EXOC4: variants seen among roughly 807,000 people sequenced by gnomAD.
EXOC4 encodes exocyst complex component 4, also known as SEC8-like 1.
In EXOC4, 71 loss-of-function variants were observed where a neutral mutation model predicts 107.2. That is an observed-to-expected ratio of 0.66 (90% confidence interval 0.55 to 0.81). The LOEUF is 0.81. Ranked by LOEUF, EXOC4 falls within the 30% of genes least tolerant of loss-of-function variation. EXOC4 has a pLI of 0.00. For missense variants in EXOC4, 1,108 were observed against 1,189.6 expected, an observed-to-expected ratio of 0.93 and a Z score of 1.01; for synonymous variants, 456 against 441.2, an observed-to-expected ratio of 1.03 and a Z score of -0.42.
chr7:133,597,575 A>C lies in EXOC4; in HGVS notation c.1418-32470A>C, dbSNP rs1270866440. ...GTTTCAAAAAAAAAAAAAAAAAAAAACCCAAAAAAAAAACCCCGAATCCTT... is the reference window on the plus strand; with the variant it reads ...GTTTCAAAAAAAAAAAAAAAAAAAACCCCAAAAAAAAAACCCCGAATCCTT... On this transcript the variant is annotated intron_variant, in intron 9 of 17. Transcript: ENST00000253861. 3.3e-3 allele frequency among the ~76,000 whole-genome samples: 346 copies of C among 103,580 alleles called. 6 individuals are homozygous for C. Among genetic ancestry groups the C allele is most frequent in the African/African-American group, 0.012 (310 of 26,182 alleles). 68.0% of individuals were successfully genotyped at this position (103,580 alleles called of 152,430 possible).
rs188386488 is a variant in EXOC4 at position 133,331,663 on chromosome 7, C to T, written c.763+14273C>T. 3.2e-4 allele frequency among the ~76,000 whole-genome samples: 48 copies of T among 152,102 alleles called. 3 individuals carry two copies. Among genetic ancestry groups the T allele is most frequent in the African/African-American group, 1.1e-3 (47 of 41,522 alleles). The stretch of plus-strand genomic sequence containing the variant: ...TGTATTTTTAGTAGAGACGGGGTTT[C>T]ACCGTGTTAGCCAGGATGGTCTCTA... On this transcript the variant is annotated intron_variant, in intron 5 of 17. Coordinates refer to ENST00000253861, the MANE Select transcript of EXOC4 (RefSeq NM_021807.4).
chr7:134,049,916 A>G (rs906222715), intron 17 of EXOC4, among the ~76,000 whole-genome samples: 2 of 152,232 alleles, frequency 1.3e-5, no homozygotes, highest in Admixed American at 6.5e-5. Flanking sequence ...CCTACAGTCT[A>G]GGTGAGGTTA....
chr7:133,571,604 G>C (rs1396857028), intron 9 of EXOC4, among the ~76,000 whole-genome samples: 2 of 151,314 alleles, frequency 1.3e-5, no homozygotes, highest in Non-Finnish European at 2.9e-5. Context: ...GAACCCAGGA[G>C]TCAGCGGTTG....
chr7:134,061,872 G>A (rs1485340364), intron 17 of EXOC4, among the ~76,000 whole-genome samples: 1 of 152,170 alleles, frequency 6.6e-6, no homozygotes, highest in African/African-American at 2.4e-5. Context: ...CTTAGAAACA[G>A]TGTGTTTAAA....
intron 9 of EXOC4, among the ~76,000 whole-genome samples, chr7:133,554,589 G>C (rs1177496954): frequency 6.6e-6 from 1 of 152,020 alleles, no homozygotes; most frequent in African/African-American, 2.4e-5. Flanking sequence ...TTGAGTTTTA[G>C]GTTTTGTGGC....
At chr7:133,664,575 A>G (rs1300241572) in intron 10 of EXOC4, among the ~76,000 whole-genome samples, 2 of 152,158 alleles carry the variant, frequency 1.3e-5, no homozygotes, top group Non-Finnish European at 2.9e-5. Flanking sequence ...AGAGAAACAC[A>G]TATTACCATC....
chr7:133,605,370 CT>C (rs1801916239), intron 9 of EXOC4, among the ~76,000 whole-genome samples: 2 of 152,160 alleles, frequency 1.3e-5, no homozygotes, highest in African/African-American at 2.4e-5. Flanking sequence ...TTTATCACCC[CT>C]ATAGGAAACC....
rs761535651 is a variant in EXOC4, at chr7:133,844,378, C to CTTTTTTT, written c.1734+26858_1734+26864dup. 4.8e-4 allele frequency among the ~76,000 whole-genome samples: 40 copies of CTTTTTTT among 83,396 alleles called. 1 individual carries two copies. Among genetic ancestry groups the CTTTTTTT allele is most frequent in the Non-Finnish European group, 6.4e-4 (29 of 45,558 alleles). 54.7% of individuals were successfully genotyped at this position (83,396 alleles called of 152,430 possible). A position where few individuals can be genotyped will look rare whatever the true frequency, so the allele number is the denominator to read the frequency against. On this transcript the variant is annotated intron_variant, in intron 11 of 17. Transcript: ENST00000253861. ...TAATTTCTTGGATTCCCACATATTC[C>CTTTTTTT]TTTTTTTTTTTTTTTTTTTTTTTTT...
At chr7:133,820,388 C>T (rs1260141768) in intron 11 of EXOC4, among the ~76,000 whole-genome samples, 2 of 151,902 alleles carry the variant, frequency 1.3e-5, no homozygotes, top group Non-Finnish European at 2.9e-5. Context: ...ATTCCCCATA[C>T]TCAAGCTTCA....
At chr7:133,661,616 G>A (rs1793681422) in intron 10 of EXOC4, among the ~76,000 whole-genome samples, 1 of 143,410 alleles carries the variant, frequency 7.0e-6, no homozygotes, top group African/African-American at 2.6e-5. Context: ...TCTGTATGGA[G>A]GAGCTTCGTC....
At chr7:134,005,241 G>C (rs1429950226) in intron 16 of EXOC4, 151 bp downstream of exon 16, 1 of 724,652 alleles carries the variant, frequency 1.4e-6, no homozygotes, top group African/African-American at 1.8e-5. Context: ...TAGCCTCTTT[G>C]TGTATGACTA....
downstream of EXOC4, among the ~76,000 whole-genome samples, chr7:134,068,079 G>A (rs564169849): frequency 3.3e-5 from 5 of 152,284 alleles, no homozygotes; most frequent in South Asian, 2.1e-4. Flanking sequence ...CTCAAGTTTA[G>A]TGGTAAGACC....
intron 3 of EXOC4, among the ~76,000 whole-genome samples, chr7:133,300,396 T>A (rs1196063267): frequency 6.6e-6 from 1 of 152,078 alleles, no homozygotes; most frequent in South Asian, 2.1e-4. Context: ...AAATCAGAGG[T>A]TGTTTTTCCC....
In EXOC4 at chr7:133,639,062, C is replaced by T. The variant is rs749331023; in HGVS notation, c.1514+8921C>T. On this transcript the variant is annotated intron_variant, in intron 10 of 17. Transcript: ENST00000253861. ...GCATTTGACGAAATATGTTTATGTC[C>T]AGCCACAGGGCCATTTACATCTGAT... Among the ~76,000 whole-genome samples, 67 of 152,128 alleles carry T rather than the reference C, an allele frequency of 4.4e-4. 1 individual carries two copies. The highest frequency in any genetic ancestry group is 7.4e-5 in the Non-Finnish European group (5 of 68,022).
At chr7:133,575,576 G>A (rs1480102903) in intron 9 of EXOC4, among the ~76,000 whole-genome samples, 1 of 152,172 alleles carries the variant, frequency 6.6e-6, no homozygotes, top group African/African-American at 2.4e-5. Flanking sequence ...CTAGAGAGGA[G>A]CACATCTGGT....
the EXOC4 span, among the ~76,000 whole-genome samples, chr7:134,074,459 G>A: frequency 6.6e-6 from 1 of 151,956 alleles, no homozygotes; most frequent in Non-Finnish European, 1.5e-5. Flanking sequence ...CTAATTTTGG[G>A]TGGGGGGTTG....
the EXOC4 span, among the ~76,000 whole-genome samples, chr7:134,085,676 ATTAT>A: frequency 6.6e-6 from 1 of 152,172 alleles, no homozygotes; most frequent in Admixed American, 6.5e-5. Context: ...TGTTGTTGTC[ATTAT>A]TTGATCTGAT....
At chr7:133,513,934 T>C (rs1445568577) in intron 9 of EXOC4, among the ~76,000 whole-genome samples, 1 of 152,186 alleles carries the variant, frequency 6.6e-6, no homozygotes, top group Non-Finnish European at 1.5e-5. Flanking sequence ...AATTGGCTGT[T>C]CCATTGGGTA....
intron 1 of EXOC4, among the ~76,000 whole-genome samples, chr7:133,265,468 T>C (rs1463499717): frequency 1.3e-5 from 2 of 151,898 alleles, no homozygotes; most frequent in South Asian, 2.1e-4. Context: ...GATTGGGTGG[T>C]TCAGGTGCTT....
Sources: allele counts gnomAD v4.1 joint callset (sites outside exome capture counted in the v4.1 genomes callset), GRCh38; gene constraint gnomAD v4.1.1; transcripts MANE v1.5; gene names NCBI Gene and HGNC (gene_info 2026-07-23, HGNC 2026-07-21).